The following NKAIN3 variants were observed in gnomAD, a reference collection of about 807,000 sequenced individuals.
NKAIN3 encodes sodium/potassium transporting ATPase interacting 3, also known as sodium/potassium-transporting ATPase subunit beta-1-interacting protein 3.
NKAIN3 carries 25 observed loss-of-function variants against 30.2 expected under a neutral mutation model. The ratio of observed to expected loss-of-function variants is 0.83; its 90% confidence interval spans 0.60 to 1.16. NKAIN3 has a LOEUF of 1.16. Among genes scored for constraint, NKAIN3 ranks in the 50% most tolerant of loss-of-function variants. The pLI is 0.00. For missense variants in NKAIN3, 225 were observed against 254.1 expected, an observed-to-expected ratio of 0.89 and a Z score of 0.78; for synonymous variants, 91 against 89.6, an observed-to-expected ratio of 1.02 and a Z score of -0.09.
At chr8:62,961,485 T>TA (rs907928341) in intron 6 of NKAIN3, among the ~76,000 whole-genome samples, 4 of 150,878 alleles carry the variant, frequency 2.7e-5, no homozygotes, top group African/African-American at 9.8e-5. Flanking sequence ...ATAAAGCAAA[T>TA]AAAAAAAGAA....
chr8:62,860,862 T>G (rs1301943694), intron 4 of NKAIN3, among the ~76,000 whole-genome samples: 1 of 152,202 alleles, frequency 6.6e-6, no homozygotes, highest in Non-Finnish European at 1.5e-5. Flanking sequence ...AATCTAGATA[T>G]TTCTACTCAG....
At chr8:62,524,071 T>A (rs1397807084) in intron 1 of NKAIN3, among the ~76,000 whole-genome samples, 1 of 152,052 alleles carries the variant, frequency 6.6e-6, no homozygotes, top group Non-Finnish European at 1.5e-5. Flanking sequence ...TATATAATAT[T>A]TTCTATAATG....
intron 3 of NKAIN3, among the ~76,000 whole-genome samples, chr8:62,626,658 T>A (rs1480890724): frequency 6.6e-6 from 1 of 152,110 alleles, no homozygotes; most frequent in East Asian, 1.9e-4. Flanking sequence ...TGTGCCTCAG[T>A]GTTTTCATCT....
At chr8:62,754,399 A>AAT (rs1816385130) in intron 4 of NKAIN3, among the ~76,000 whole-genome samples, 1 of 151,786 alleles carries the variant, frequency 6.6e-6, no homozygotes. Context: ...CACACATATA[A>AAT]AGGAGCTCAT....
intron 3 of NKAIN3, among the ~76,000 whole-genome samples, chr8:62,705,943 C>A (rs1814505917): frequency 6.6e-6 from 1 of 152,072 alleles, no homozygotes; most frequent in South Asian, 2.1e-4. Flanking sequence ...CTTTGACTTT[C>A]TATGCATTCC....
intron 4 of NKAIN3, among the ~76,000 whole-genome samples, chr8:62,822,874 C>T (rs59826370): frequency 0.011 from 1,611 of 152,298 alleles, 23 homozygotes; most frequent in South Asian, 0.031. Flanking sequence ...GCCTTCTACA[C>T]ACTTAGGTTA....
At chr8:62,942,481 C>T (rs1164728252) in intron 5 of NKAIN3, among the ~76,000 whole-genome samples, 15 of 150,488 alleles carry the variant, frequency 1.0e-4, no homozygotes, top group Non-Finnish European at 2.2e-4. Flanking sequence ...AATGCAATTC[C>T]CATCACAATA....
chr8:62,648,672 A>G (rs943874240), intron 3 of NKAIN3, among the ~76,000 whole-genome samples: 1 of 152,198 alleles, frequency 6.6e-6, no homozygotes, highest in Non-Finnish European at 1.5e-5. Context: ...AGGTGAATGT[A>G]CAGTTTGTCT....
intron 1 of NKAIN3, among the ~76,000 whole-genome samples, chr8:62,567,580 A>G (rs1809797437): frequency 6.6e-6 from 1 of 152,150 alleles, no homozygotes; most frequent in Non-Finnish European, 1.5e-5. Flanking sequence ...TATAAGTGAA[A>G]GAAGGAGACA....
intron 3 of NKAIN3, among the ~76,000 whole-genome samples, chr8:62,715,688 G>T (rs1166748057): frequency 2.0e-5 from 3 of 152,166 alleles, no homozygotes; most frequent in Non-Finnish European, 4.4e-5. Context: ...ACGTTATTGT[G>T]ACAATGTCAA....
intron 4 of NKAIN3, among the ~76,000 whole-genome samples, chr8:62,862,775 T>C (rs905586579): frequency 3.9e-5 from 6 of 152,060 alleles, no homozygotes; most frequent in Admixed American, 1.3e-4. Flanking sequence ...TAAAACAGAA[T>C]GAAAAAGATA....
chr8:62,792,164 C>G (rs1817718053), intron 4 of NKAIN3, among the ~76,000 whole-genome samples: 2 of 152,078 alleles, frequency 1.3e-5, no homozygotes, highest in African/African-American at 4.8e-5. Context: ...ATATCTCTTC[C>G]TGTCTTCCTT....
At chr8:62,894,895 T>A in intron 4 of NKAIN3, among the ~76,000 whole-genome samples, 1 of 152,150 alleles carries the variant, frequency 6.6e-6, no homozygotes, top group East Asian at 1.9e-4. Context: ...ATCTATCACA[T>A]CAATATTCCA....
At chr8:62,963,759 G>A (rs1273825362) in intron 6 of NKAIN3, among the ~76,000 whole-genome samples, 2 of 152,166 alleles carry the variant, frequency 1.3e-5, no homozygotes, top group African/African-American at 2.4e-5. Flanking sequence ...AAATGTGATG[G>A]GGCACAGGGA....
intron 4 of NKAIN3, among the ~76,000 whole-genome samples, chr8:62,870,388 T>C (rs1021528828): frequency 7.3e-6 from 1 of 137,298 alleles, no homozygotes; most frequent in African/African-American, 2.7e-5. Context: ...ACTATATATG[T>C]ACAATATACA....
At chr8:62,276,647 T>C (rs1812973664) in intron 1 of NKAIN3, among the ~76,000 whole-genome samples, 2 of 152,196 alleles carry the variant, frequency 1.3e-5, no homozygotes, top group South Asian at 4.1e-4. Flanking sequence ...AATTTCCCAA[T>C]TTATTAATTT....
At chr8:62,569,773 G>GAA (rs780887997) in intron 1 of NKAIN3, among the ~76,000 whole-genome samples, 3 of 129,006 alleles carry the variant, frequency 2.3e-5, no homozygotes, top group African/African-American at 5.7e-5. Flanking sequence ...GAGACTGTCT[G>GAA]AAAAAAAAAA....
chr8:62,384,092 A>C (rs952395573), intron 1 of NKAIN3, among the ~76,000 whole-genome samples: 2 of 152,150 alleles, frequency 1.3e-5, no homozygotes, highest in African/African-American at 4.8e-5. Context: ...GGTTTACAGT[A>C]TTGCAGTAAA....
intron 4 of NKAIN3, among the ~76,000 whole-genome samples, chr8:62,778,236 C>T (rs1817248916): frequency 6.6e-6 from 1 of 152,048 alleles, no homozygotes; most frequent in African/African-American, 2.4e-5. Context: ...GCACTAGACC[C>T]TTAAAATCAG....
Sources: gnomAD v4.1 joint callset for allele counts (sites outside exome capture counted in the v4.1 genomes callset) on GRCh38, gnomAD v4.1.1 for gene constraint, MANE v1.5 for transcripts, NCBI Gene and HGNC (gene_info 2026-07-23, HGNC 2026-07-21) for gene names.